The following DEXI variants were observed in gnomAD, a reference collection of about 807,000 sequenced individuals.
DEXI encodes dexamethasone-induced protein.
In DEXI, 2 loss-of-function variants were observed where a neutral mutation model predicts 2.5. The observed-to-expected ratio is 0.81, with a 90% CI of 0.33 to 2.55. DEXI has a LOEUF of 2.55. Among genes scored for constraint, DEXI ranks in the 30% most tolerant of loss-of-function variants. DEXI has a pLI of 0.11. For synonymous variants in DEXI, 71 were observed against 68.7 expected (o/e 1.03, Z -0.17); for missense variants, 108 against 130.3 (o/e 0.83, Z 0.83).
rs1032055167 is a variant in DEXI at position 10,940,106 on chromosome 16, G to C, written c.*149+1463C>G. ...AAATCTCACTGTGAACCCATTAGGA[G>C]AGCCCTCTGCCGCCAGCTATGCTGT... On this transcript the variant is annotated intron_variant, in intron 1 of 1. Coordinates refer to ENST00000331808, the MANE Select transcript of DEXI (RefSeq NM_014015.4). The surrounding 1 kb of genome is among the most constrained non-coding windows in gnomAD (Gnocchi z 4.2). 1.3e-5 allele frequency: 2 copies of C among 152,360 alleles called. No homozygotes were observed. Among genetic ancestry groups the C allele is most frequent in the Non-Finnish European group, 1.5e-5 (1 of 68,054 alleles). 9.4% of individuals were successfully genotyped at this position (152,360 alleles called of 1,614,324 possible).
chr16:10,929,225 G>A lies in DEXI; in HGVS notation c.*484C>T. 2 of 985,866 alleles carry A rather than the reference G, an allele frequency of 2.0e-6. No homozygotes were observed. Among genetic ancestry groups the A allele is most frequent in the Non-Finnish European group, 2.4e-6 (2 of 829,952 alleles). The allele number at this position is 985,866 out of a possible 1,614,324, so 61.1% of individuals were successfully genotyped here. Reference sequence around the variant, plus strand: ...CTGAAGGCTCAACTCACATCAAACGGAGCTGGGAGTCGCTTTTGCGTGTGT... The same window carrying A: ...CTGAAGGCTCAACTCACATCAAACGAAGCTGGGAGTCGCTTTTGCGTGTGT... On this transcript the variant is annotated 3_prime_UTR_variant, in exon 2 of 2. Coordinates refer to ENST00000331808, the MANE Select transcript of DEXI (RefSeq NM_014015.4). This position sits in a 1 kb window ranked among gnomAD's most constrained non-coding sequence, Gnocchi z 4.3.
Position 10,929,506 on chromosome 16 carries a change from C to G in DEXI, c.*203G>C. The G allele has an allele frequency of 3.0e-6, 3 of 985,662 alleles. No homozygotes were observed. The highest frequency in any genetic ancestry group is 3.6e-6 in the Non-Finnish European group (3 of 829,982). 61.1% of individuals were successfully genotyped at this position (985,662 alleles called of 1,614,324 possible). On this transcript the variant is annotated 3_prime_UTR_variant, in exon 2 of 2. Coordinates refer to ENST00000331808, the MANE Select transcript of DEXI (RefSeq NM_014015.4). This position sits in a 1 kb window ranked among gnomAD's most constrained non-coding sequence, Gnocchi z 4.3. ...CAGTCCCAATCTCTCTTCCACTCTCCTGGGTTCAAACAGGAACCTCTCTGT... is the reference window on the plus strand; with the variant it reads ...CAGTCCCAATCTCTCTTCCACTCTCGTGGGTTCAAACAGGAACCTCTCTGT...
In DEXI at chr16:10,938,084, G is replaced by A. The variant is rs2041054035; in HGVS notation, c.*149+3485C>T. The stretch of plus-strand genomic sequence containing the variant: ...CACGCTTTCCATTGTATCCGACTAT[G>A]AATATGAGTGGTTAATATTAATACA... On this transcript the variant is annotated intron_variant, in intron 1 of 1. Coordinates refer to ENST00000331808, the MANE Select transcript of DEXI (RefSeq NM_014015.4). The surrounding 1 kb of genome is among the most constrained non-coding windows in gnomAD (Gnocchi z 4.9). The A allele has an allele frequency of 6.6e-6, 1 of 152,204 alleles. No individual in the cohort carries two copies. The highest frequency in any genetic ancestry group is 2.4e-5 in the African/African-American group (1 of 41,426). The allele number at this position is 152,204 out of a possible 1,614,324, so 9.4% of individuals were successfully genotyped here.
At chr16:10,935,415 C>T (rs2040986290) in intron 1 of DEXI, 1 of 152,222 alleles carries the variant, frequency 6.6e-6, no homozygotes, top group South Asian at 2.1e-4. Flanking sequence ...GTGACTTTAG[C>T]TGGCTTTGGT....
chr16:10,930,191 C>G (rs1596642229), intron 1 of DEXI: 1 of 152,496 alleles, frequency 6.6e-6, no homozygotes, highest in East Asian at 1.9e-4. Flanking sequence ...CTGCAGCCCC[C>G]TCAAGCCCTG....
rs1243018538 is a variant in DEXI, at chr16:10,934,368, G to A, written c.*150-4809C>T. On this transcript the variant is annotated intron_variant, in intron 1 of 1. Transcript: ENST00000331808. The surrounding 1 kb of genome is among the most constrained non-coding windows in gnomAD (Gnocchi z 4.2). ...CAATGCTAAAAATACAATGAAAATG[G>A]AACCAGGAAGTCTAGCTTGATACCC... 1.3e-5 allele frequency: 2 copies of A among 152,238 alleles called. No homozygotes were observed. The highest frequency in any genetic ancestry group is 4.8e-5 in the African/African-American group (2 of 41,466). 9.4% of individuals were successfully genotyped at this position (152,238 alleles called of 1,614,324 possible).
chr16:10,941,474 G>T lies in DEXI; in HGVS notation c.*149+95C>A. ...CCTGGAGGAGGTGAACGGAGGAGAA[G>T]CCTGAGGGAGGGGTGTGTATCCGGC... On this transcript the variant is annotated intron_variant, in intron 1 of 1. Transcript: ENST00000331808. The surrounding 1 kb of genome is among the most constrained non-coding windows in gnomAD (Gnocchi z 6.4). The T allele has an allele frequency of 8.1e-7, 1 of 1,237,116 alleles. No homozygotes were observed. The allele number at this position is 1,237,116 out of a possible 1,614,324, so 76.6% of individuals were successfully genotyped here. A position where few individuals can be genotyped will look rare whatever the true frequency, so the allele number is the denominator to read the frequency against.
chr16:10,941,799 G>T lies in DEXI; in HGVS notation c.207C>A (p.Asp69Glu). The T allele has an allele frequency of 6.2e-7, 1 of 1,613,668 alleles. No individual in the cohort carries two copies. Among genetic ancestry groups the T allele is most frequent in the South Asian group, 1.1e-5 (1 of 91,066 alleles). The change falls in exon 1 of 2, where the codon GAC (aspartate) becomes GAA (glutamate). Residue 69 changes from aspartate (D) to glutamate (E), a missense_variant. Transcript: ENST00000331808. The surrounding 1 kb of genome is among the most constrained non-coding windows in gnomAD (Gnocchi z 6.4). ...LPEDMDQALV[D>E]LGVLSDPGSG... ...AGCCGGGGTCGGAGAGCACGCCGAG[G>T]TCCACGAGCGCCTGGTCCATGTCCT...
intron 1 of DEXI, chr16:10,932,923 G>A (rs1286562120): frequency 6.6e-6 from 1 of 152,018 alleles, no homozygotes; most frequent in African/African-American, 2.4e-5. Flanking sequence ...AACGTTTTAA[G>A]AAAGTTTATG....
In DEXI at chr16:10,938,492, A is replaced by C. The variant is rs1454028039; in HGVS notation, c.*149+3077T>G. The C allele has an allele frequency of 6.6e-6, 1 of 152,192 alleles. No homozygotes were observed. Among genetic ancestry groups the C allele is most frequent in the Non-Finnish European group, 1.5e-5 (1 of 68,040 alleles). The allele number at this position is 152,192 out of a possible 1,614,324, so 9.4% of individuals were successfully genotyped here. On this transcript the variant is annotated intron_variant, in intron 1 of 1. Transcript: ENST00000331808. The surrounding 1 kb of genome is among the most constrained non-coding windows in gnomAD (Gnocchi z 4.9). The stretch of plus-strand genomic sequence containing the variant: ...TGTTTCCTGGATTGGCGTGTGGGGA[A>C]CACATGTGACCACATGAGAATGGCT...
At position 10,934,613 on chromosome 16, in the gene DEXI, A is replaced by T. The variant is rs867784792; in HGVS notation, c.*150-5054T>A. On this transcript the variant is annotated intron_variant, in intron 1 of 1. Coordinates refer to ENST00000331808, the MANE Select transcript of DEXI (RefSeq NM_014015.4). This position sits in a 1 kb window ranked among gnomAD's most constrained non-coding sequence, Gnocchi z 4.2. ...ATGGGTATCTGAGATGAGTCATCGA[A>T]CTTCTGCAAGCCTCAGTTTCCTCCC... The T allele has an allele frequency of 2.6e-5, 4 of 152,274 alleles. No individual in the cohort carries two copies. In the East Asian group the frequency reaches 7.7e-4, roughly 29 times the overall value. The allele number at this position is 152,274 out of a possible 1,614,324, so 9.4% of individuals were successfully genotyped here.
Position 10,929,391 on chromosome 16 carries a change from A to G in DEXI, c.*318T>C, listed in dbSNP as rs1053285147. 3.0e-6 allele frequency: 3 copies of G among 985,810 alleles called. No homozygotes were observed. Among genetic ancestry groups the G allele is most frequent in the African/African-American group, 3.5e-5 (2 of 57,228 alleles). The allele number at this position is 985,810 out of a possible 1,614,324, so 61.1% of individuals were successfully genotyped here. ...AATAATCAGAAGCCAAGGCCAGGCC[A>G]TCGATTTGACACTGCAGGCAGATGA... On this transcript the variant is annotated 3_prime_UTR_variant, in exon 2 of 2. Coordinates refer to ENST00000331808, the MANE Select transcript of DEXI (RefSeq NM_014015.4). This position sits in a 1 kb window ranked among gnomAD's most constrained non-coding sequence, Gnocchi z 4.3.
At chr16:10,932,661 A>T (rs1281887649) in intron 1 of DEXI, 7 of 145,574 alleles carry the variant, frequency 4.8e-5, no homozygotes, top group African/African-American at 1.8e-4. Flanking sequence ...TCACACACAC[A>T]CACACAAAAA....
At position 10,939,830 on chromosome 16, in the gene DEXI, CTT is replaced by C. The variant is rs1356069629; in HGVS notation, c.*149+1737_*149+1738del. The stretch of plus-strand genomic sequence containing the variant: ...CATAGTTCCGAAAAAATCTGATTCT[CTT>C]GTTTGGGTTCCTACTAGTCTTCCTC... On this transcript the variant is annotated intron_variant, in intron 1 of 1. Transcript: ENST00000331808. This position sits in a 1 kb window ranked among gnomAD's most constrained non-coding sequence, Gnocchi z 4.9. 6.6e-6 allele frequency: 1 copy of C among 152,440 alleles called. No homozygotes were observed. Among genetic ancestry groups the C allele is most frequent in the Non-Finnish European group, 1.5e-5 (1 of 68,192 alleles). 9.4% of individuals were successfully genotyped at this position (152,440 alleles called of 1,614,324 possible).
intron 1 of DEXI, chr16:10,933,573 G>A (rs1169599800): frequency 1.3e-5 from 2 of 152,272 alleles, no homozygotes; most frequent in African/African-American, 4.8e-5. Context: ...CCACCACATT[G>A]GGCTGTTTGT....
At position 10,937,233 on chromosome 16, in the gene DEXI, TG is replaced by T. The variant is rs2041041407; in HGVS notation, c.*149+4335del. On this transcript the variant is annotated intron_variant, in intron 1 of 1. Coordinates refer to ENST00000331808, the MANE Select transcript of DEXI (RefSeq NM_014015.4). The surrounding 1 kb of genome is among the most constrained non-coding windows in gnomAD (Gnocchi z 4.2). ...AGGCCTGGGGGTATACTTGCCTCCCTGTGTCACCATTGTCTGTCTCTTGCTT... is the reference window on the plus strand; with the variant it reads ...AGGCCTGGGGGTATACTTGCCTCCCTTGTCACCATTGTCTGTCTCTTGCTT... 1 of 152,304 alleles carries T rather than the reference TG, an allele frequency of 6.6e-6. No individual in the cohort carries two copies. The highest frequency in any genetic ancestry group is 1.5e-5 in the Non-Finnish European group (1 of 68,140). 9.4% of individuals were successfully genotyped at this position (152,304 alleles called of 1,614,324 possible). A position where few individuals can be genotyped will look rare whatever the true frequency, so the allele number is the denominator to read the frequency against.
intron 1 of DEXI, chr16:10,930,965 C>G (rs778301092): frequency 6.6e-6 from 1 of 152,320 alleles, no homozygotes; most frequent in Non-Finnish European, 1.5e-5. Context: ...ATGCTCACTG[C>G]AGAGATCTCC....
At position 10,929,182 on chromosome 16, in the gene DEXI, G is replaced by A. The variant is rs1435821586; in HGVS notation, c.*527C>T. The A allele has an allele frequency of 5.4e-5, 53 of 982,768 alleles. No individual in the cohort carries two copies. Among genetic ancestry groups the A allele is most frequent in the Non-Finnish European group, 5.9e-5 (49 of 827,384 alleles). 60.9% of individuals were successfully genotyped at this position (982,768 alleles called of 1,614,324 possible). ...AGTCGCTGCATCTAAGACCAGCCTC[G>A]GGCTAAACCCAGCTGGCCTGAAGGC... is the stretch of plus-strand genomic sequence containing the variant. On this transcript the variant is annotated 3_prime_UTR_variant, in exon 2 of 2. Coordinates refer to ENST00000331808, the MANE Select transcript of DEXI (RefSeq NM_014015.4). This position sits in a 1 kb window ranked among gnomAD's most constrained non-coding sequence, Gnocchi z 4.3.
Position 10,941,216 on chromosome 16 carries a change from C to CTCGGTGGTCGCCGT in DEXI, c.*149+352_*149+353insACGGCGACCACCGA. The CTCGGTGGTCGCCGT allele has an allele frequency of 6.4e-6, 1 of 155,714 alleles. No homozygotes were observed. Among genetic ancestry groups the CTCGGTGGTCGCCGT allele is most frequent in the Admixed American group, 6.3e-5 (1 of 15,924 alleles). The allele number at this position is 155,714 out of a possible 1,614,324, so 9.6% of individuals were successfully genotyped here. On this transcript the variant is annotated intron_variant, in intron 1 of 1. Coordinates refer to ENST00000331808, the MANE Select transcript of DEXI (RefSeq NM_014015.4). This position sits in a 1 kb window ranked among gnomAD's most constrained non-coding sequence, Gnocchi z 6.4. ...GCGAGAATCCCCCAAAAGCCAAGGTCATCATCAAGCCAGGATGAGGACTGG... is the reference window on the plus strand; with the variant it reads ...GCGAGAATCCCCCAAAAGCCAAGGTCTCGGTGGTCGCCGTATCATCAAGCCAGGATGAGGACTGG...
Sources: allele counts gnomAD v4.1 joint callset, GRCh38; gene constraint gnomAD v4.1.1; non-coding constraint Gnocchi (gnomAD v3.1); transcripts MANE v1.5; gene names NCBI Gene and HGNC (gene_info 2026-07-23, HGNC 2026-07-21).